Variants in FAM193A observed in about 807,000 individuals in gnomAD.
The protein encoded by FAM193A is protein FAM193A.
FAM193A carries 22 observed loss-of-function variants against 126.5 expected under a neutral mutation model. The ratio of observed to expected loss-of-function variants is 0.17; its 90% CI spans 0.12 to 0.25. The LOEUF (loss-of-function observed/expected upper bound fraction) is 0.25. Ranked by LOEUF, FAM193A falls within the 10% of genes least tolerant of loss-of-function variation. The probability of loss-of-function intolerance (pLI) is 1.00; values close to 1 mark genes in which losing one functional copy is unlikely to be tolerated. For synonymous variants in FAM193A, 761 were observed against 646.8 expected, an observed-to-expected ratio of 1.18 and a Z score of -2.68; for missense variants, 1,675 against 1,672.8, an observed-to-expected ratio of 1.00 and a Z score of -0.02.
intron 2 of FAM193A, among the ~76,000 whole-genome samples, chr4:2,604,251 G>C (rs1741393871): frequency 6.6e-6 from 1 of 151,754 alleles, no homozygotes; most frequent in African/African-American, 2.4e-5. Flanking sequence ...TGCTGTATTT[G>C]CTAGTTCTAA....
At chr4:2,584,041 G>A (rs1740095776) in intron 1 of FAM193A, among the ~76,000 whole-genome samples, 2 of 152,032 alleles carry the variant, frequency 1.3e-5, no homozygotes, top group Non-Finnish European at 2.9e-5. Context: ...CTACTCCAAG[G>A]TTGGGAAAAC....
At chr4:2,578,332 TTCA>T (rs916755824) in intron 1 of FAM193A, among the ~76,000 whole-genome samples, 1 of 152,168 alleles carries the variant, frequency 6.6e-6, no homozygotes, top group African/African-American at 2.4e-5. Flanking sequence ...TGTTTGAAAT[TTCA>T]TCATTTTAAT....
chr4:2,607,532 C>G (rs1177975054), intron 2 of FAM193A, among the ~76,000 whole-genome samples: 1 of 152,208 alleles, frequency 6.6e-6, no homozygotes, highest in Non-Finnish European at 1.5e-5. Context: ...GAAACTTGCT[C>G]AACTTTTTAA....
intron 1 of FAM193A, among the ~76,000 whole-genome samples, chr4:2,573,442 G>A (rs1287523929): frequency 3.9e-5 from 6 of 151,910 alleles, no homozygotes; most frequent in Admixed American, 3.3e-4. Flanking sequence ...GAACCCAGGA[G>A]GCGGAGGTTG....
intron 7 of FAM193A, among the ~76,000 whole-genome samples, chr4:2,657,533 A>G (rs1206962958): frequency 6.6e-6 from 1 of 152,204 alleles, no homozygotes; most frequent in Non-Finnish European, 1.5e-5. Context: ...CATCCACTGT[A>G]TTGACAGATT....
rs1742253030 is a variant in FAM193A, at chr4:2,617,246, A to ATATATATATATATTT, written c.502-8003_502-8002insTTTATATATATATAT. On this transcript the variant is annotated intron_variant, in intron 2 of 20. Coordinates refer to ENST00000637812, the MANE Select transcript of FAM193A (RefSeq NM_001366318.2). The stretch of plus-strand genomic sequence containing the variant: ...GGTCAGAAGTATGTTTTTATTATAT[A>ATATATATATATATTT]TATATATATATATATATTTTTTTTT... Among the ~76,000 whole-genome samples the ATATATATATATATTT allele has an allele frequency of 4.8e-5, 2 of 41,936 alleles. 1 individual carries two copies. The highest frequency in any genetic ancestry group is 5.2e-4 in the African/African-American group (2 of 3,854). 27.5% of individuals were successfully genotyped at this position (41,936 alleles called of 152,430 possible).
chr4:2,653,024 G>A (rs939634372), intron 7 of FAM193A, among the ~76,000 whole-genome samples: 1 of 151,344 alleles, frequency 6.6e-6, no homozygotes, highest in African/African-American at 2.5e-5. Flanking sequence ...GGTGTCCTAC[G>A]TAGCATAACA....
At chr4:2,657,427 C>T (rs1357956854) in intron 7 of FAM193A, among the ~76,000 whole-genome samples, 2 of 152,132 alleles carry the variant, frequency 1.3e-5, no homozygotes, top group Non-Finnish European at 2.9e-5. Context: ...TTCCTGTAGT[C>T]TGAGCTCTTC....
intron 4 of FAM193A, among the ~76,000 whole-genome samples, chr4:2,627,896 C>T (rs1422629460): frequency 2.6e-5 from 4 of 152,066 alleles, no homozygotes; most frequent in African/African-American, 9.7e-5. Context: ...GCACCCACTA[C>T]CACGCCCAGC....
intron 1 of FAM193A, among the ~76,000 whole-genome samples, chr4:2,551,243 GTTT>G (rs1737902117): frequency 6.6e-6 from 1 of 152,170 alleles, no homozygotes; most frequent in Non-Finnish European, 1.5e-5. Context: ...TATCTCAAAT[GTTT>G]GGAACCAGAA....
rs776936333 is a variant in FAM193A at position 2,657,841 on chromosome 4, C to T, written c.1350C>T (p.Asp450=). 2.5e-6 allele frequency: 4 copies of T among 1,612,644 alleles called. No individual in the cohort carries two copies. Among genetic ancestry groups the T allele is most frequent in the Non-Finnish European group, 3.4e-6 (4 of 1,179,456 alleles). The change falls in exon 8 of 21, where the codon GAC becomes GAT. Residue 450 remains aspartate, a synonymous_variant. Transcript: ENST00000637812. The part of the protein sequence containing the change: ...MKTKQRMLTE[D]WELFKQRRFI... ...CCAAGCAGCGCATGTTAACAGAAGA[C>T]TGGGAGCTTTTTAAACAAAGAAGAT...
intron 18 of FAM193A, among the ~76,000 whole-genome samples, chr4:2,697,998 G>T (rs1717232670): frequency 6.6e-6 from 1 of 152,232 alleles, no homozygotes; most frequent in African/African-American, 2.4e-5. Context: ...TTGAGGCCCA[G>T]CTGAACCTTA....
chr4:2,610,838 A>G (rs1339599791), intron 2 of FAM193A, among the ~76,000 whole-genome samples: 6 of 151,798 alleles, frequency 4.0e-5, no homozygotes. Context: ...CCCAAGTTCA[A>G]GCGATTCTCC....
chr4:2,557,226 A>C (rs535267220), intron 1 of FAM193A, among the ~76,000 whole-genome samples: 1 of 152,196 alleles, frequency 6.6e-6, no homozygotes, highest in Non-Finnish European at 1.5e-5. Context: ...AGAATATCTT[A>C]TTATACTGTG....
At chr4:2,561,777 G>A (rs1428158505) in intron 1 of FAM193A, among the ~76,000 whole-genome samples, 2 of 152,036 alleles carry the variant, frequency 1.3e-5, no homozygotes, top group Admixed American at 1.3e-4. Context: ...GATTACAGGC[G>A]TGAGCCACCG....
chr4:2,651,956 G>A (rs1252306957), intron 7 of FAM193A, among the ~76,000 whole-genome samples: 1 of 152,206 alleles, frequency 6.6e-6, no homozygotes, highest in African/African-American at 2.4e-5. Context: ...CGAAGGCAGA[G>A]TGGGCTGTAG....
At chr4:2,544,424 C>T (rs998908153) in intron 1 of FAM193A, among the ~76,000 whole-genome samples, 15 of 151,890 alleles carry the variant, frequency 9.9e-5, no homozygotes, top group Non-Finnish European at 2.1e-4. Flanking sequence ...TTAGCCTGGC[C>T]AGGCGCTGTG....
At chr4:2,671,463 C>A (rs1049290698) in intron 12 of FAM193A, among the ~76,000 whole-genome samples, 1 of 152,180 alleles carries the variant, frequency 6.6e-6, no homozygotes, top group Non-Finnish European at 1.5e-5. Flanking sequence ...AACTCCTGTG[C>A]CCACTGCCGA....
intron 7 of FAM193A, among the ~76,000 whole-genome samples, chr4:2,653,471 GTCTC>G (rs1486856207): frequency 6.6e-6 from 1 of 152,042 alleles, no homozygotes; most frequent in Non-Finnish European, 1.5e-5. Flanking sequence ...TTTAGACAGA[GTCTC>G]TCTCTGTCAC....
Sources: allele counts gnomAD v4.1 joint callset (sites outside exome capture counted in the v4.1 genomes callset), GRCh38; gene constraint gnomAD v4.1.1; transcripts MANE v1.5; gene names NCBI Gene and HGNC (gene_info 2026-07-23, HGNC 2026-07-21).